The following DTWD2 variants were observed in gnomAD, a reference collection of about 807,000 sequenced individuals.
DTWD2 encodes the protein tRNA-uridine aminocarboxypropyltransferase 2.
A neutral mutation model predicts 31.8 loss-of-function variants in DTWD2; 39 were observed. That is an observed-to-expected ratio of 1.22 (90% CI 0.95 to 1.60). DTWD2 has a LOEUF of 1.60. Ranked by LOEUF, DTWD2 falls within the 40% of genes most tolerant of loss-of-function variation. The pLI, the probability that DTWD2 is intolerant of heterozygous loss-of-function variation, is 0.00. For synonymous variants in DTWD2, 180 were observed against 142.8 expected, an observed-to-expected ratio of 1.26 and a Z score of -1.86; for missense variants, 515 against 381.5, an observed-to-expected ratio of 1.35 and a Z score of -2.92.
chr5:118,936,147 A>G (rs368777655), intron 3 of DTWD2, among the ~76,000 whole-genome samples: 2 of 152,252 alleles, frequency 1.3e-5, no homozygotes, highest in East Asian at 3.8e-4. Context: ...CCATGTGTGA[A>G]AGAAGAAATC....
chr5:118,983,138 C>T lies in DTWD2; in HGVS notation c.218+5156G>A, dbSNP rs961497186. Reference sequence around the variant, plus strand: ...TCAGTCAGACAACCACAATGATGTACAGGAGACCCAGAATCAAAACATAAA... The same window carrying T: ...TCAGTCAGACAACCACAATGATGTATAGGAGACCCAGAATCAAAACATAAA... On this transcript the variant is annotated intron_variant, in intron 1 of 5. Transcript: ENST00000510708. Among the ~76,000 whole-genome samples the T allele has an allele frequency of 5.3e-5, 8 of 152,112 alleles. No homozygotes were observed. In the South Asian group the frequency reaches 8.3e-4, roughly 16 times the overall value.
rs530415876 is a variant in DTWD2, at chr5:118,953,889, A to C, written c.219-9240T>G. On this transcript the variant is annotated intron_variant, in intron 1 of 5. Transcript: ENST00000510708. ...GTCTTATGCACCTGAGTGTCTAGCA[A>C]CTGGTGCTCTGCCTGGTATCTTATC... 4.2e-3 allele frequency among the ~76,000 whole-genome samples: 643 copies of C among 152,266 alleles called. 6 individuals are homozygous for C. Among genetic ancestry groups the C allele is most frequent in the African/African-American group, 0.015 (625 of 41,538 alleles).
chr5:118,964,389 C>T (rs1440734999), intron 1 of DTWD2, among the ~76,000 whole-genome samples: 1 of 151,756 alleles, frequency 6.6e-6, no homozygotes, highest in East Asian at 1.9e-4. Flanking sequence ...CTACTTTGCC[C>T]TCTCCCTCTC....
chr5:118,966,133 C>T (rs1489449308), intron 1 of DTWD2, among the ~76,000 whole-genome samples: 1 of 152,112 alleles, frequency 6.6e-6, no homozygotes, highest in South Asian at 2.1e-4. Flanking sequence ...AAAAACCCTG[C>T]CCAGAAAAAT....
chr5:118,872,432 T>C (rs1421815616), intron 4 of DTWD2, among the ~76,000 whole-genome samples: 1 of 152,242 alleles, frequency 6.6e-6, no homozygotes, highest in African/African-American at 2.4e-5. Context: ...GTAAGTGACA[T>C]GTGACTCTTC....
At chr5:118,846,300 T>C (rs1310695490) in intron 5 of DTWD2, among the ~76,000 whole-genome samples, 7 of 152,074 alleles carry the variant, frequency 4.6e-5, no homozygotes, top group African/African-American at 1.4e-4. Flanking sequence ...ACAAACCCTA[T>C]CCTTAACTGT....
chr5:118,899,246 C>G (rs1157466028), intron 4 of DTWD2, among the ~76,000 whole-genome samples: 1 of 152,138 alleles, frequency 6.6e-6, no homozygotes, highest in African/African-American at 2.4e-5. Flanking sequence ...AAACACATGT[C>G]AGATAAGCTT....
intron 1 of DTWD2, among the ~76,000 whole-genome samples, chr5:118,970,692 A>C (rs1039029154): frequency 5.3e-5 from 8 of 152,132 alleles, no homozygotes; most frequent in African/African-American, 1.9e-4. Context: ...TAATCAACAG[A>C]TTCTCCAAGG....
intron 1 of DTWD2, among the ~76,000 whole-genome samples, chr5:118,968,359 T>C (rs953741313): frequency 2.0e-5 from 3 of 152,136 alleles, no homozygotes; most frequent in Non-Finnish European, 4.4e-5. Flanking sequence ...AACAGTACTG[T>C]ACCAGAAGCA....
At chr5:118,985,517 T>TATATATATATATATATATATATATATAC (rs1554072595) in intron 1 of DTWD2, among the ~76,000 whole-genome samples, 3 of 107,726 alleles carry the variant, frequency 2.8e-5, no homozygotes, top group Admixed American at 9.6e-5. Context: ...TATATATATA[T>TATATATATATATATATATATATATATAC]ACACACACAT....
chr5:118,953,831 A>T (rs1754520051), intron 1 of DTWD2, among the ~76,000 whole-genome samples: 1 of 152,120 alleles, frequency 6.6e-6, no homozygotes, highest in African/African-American at 2.4e-5. Context: ...CTCCTGGCCT[A>T]TATCTTTCTG....
chr5:118,927,092 G>A (rs1003145382), intron 4 of DTWD2, among the ~76,000 whole-genome samples: 4 of 152,150 alleles, frequency 2.6e-5, no homozygotes, highest in Non-Finnish European at 4.4e-5. Context: ...GAGACAAAGA[G>A]AGACGGAGAG....
At chr5:118,986,947 T>C (rs1755441109) in intron 1 of DTWD2, among the ~76,000 whole-genome samples, 1 of 152,178 alleles carries the variant, frequency 6.6e-6, no homozygotes, top group African/African-American at 2.4e-5. Context: ...AGGTATTAAC[T>C]AAACGTAACT....
At chr5:118,896,769 T>A (rs1168731397) in intron 4 of DTWD2, among the ~76,000 whole-genome samples, 1 of 152,230 alleles carries the variant, frequency 6.6e-6, no homozygotes, top group Admixed American at 6.5e-5. Context: ...CAGGGTAATC[T>A]GATTTTTTAA....
chr5:118,886,934 G>A (rs1306951927), intron 4 of DTWD2, among the ~76,000 whole-genome samples: 1 of 152,074 alleles, frequency 6.6e-6, no homozygotes, highest in African/African-American at 2.4e-5. Flanking sequence ...GAAAATTTGG[G>A]TAAGAAATTA....
At chr5:118,910,931 C>T (rs1449823506) in intron 4 of DTWD2, among the ~76,000 whole-genome samples, 4 of 152,108 alleles carry the variant, frequency 2.6e-5, no homozygotes, top group African/African-American at 9.7e-5. Context: ...TATAAGGGCA[C>T]TAATCCAATT....
At chr5:118,884,278 A>G (rs182244245) in intron 4 of DTWD2, among the ~76,000 whole-genome samples, 1 of 152,326 alleles carries the variant, frequency 6.6e-6, no homozygotes, top group Non-Finnish European at 1.5e-5. Context: ...GAACAATACT[A>G]AATTCTTCAC....
chr5:118,842,555 C>T (rs1751743010), intron 5 of DTWD2, among the ~76,000 whole-genome samples: 1 of 152,236 alleles, frequency 6.6e-6, no homozygotes, highest in South Asian at 2.1e-4. Context: ...GGACTGCCCA[C>T]CTCAGCATTT....
intron 5 of DTWD2, among the ~76,000 whole-genome samples, chr5:118,843,550 G>C (rs936032354): frequency 6.6e-5 from 10 of 152,086 alleles, no homozygotes; most frequent in Non-Finnish European, 4.4e-5. Flanking sequence ...TCACCACAGT[G>C]GACTGTATTC....
Sources: gnomAD v4.1 joint callset for allele counts (sites outside exome capture counted in the v4.1 genomes callset) on GRCh38, gnomAD v4.1.1 for gene constraint, MANE v1.5 for transcripts, NCBI Gene and HGNC (gene_info 2026-07-23, HGNC 2026-07-21) for gene names.